The following TMEM176A variants were observed in gnomAD, a reference collection of about 807,000 sequenced individuals.
The protein encoded by TMEM176A is transmembrane protein 176A.
TMEM176A carries 20 observed loss-of-function variants against 27.9 expected under a neutral mutation model. That is an observed-to-expected ratio of 0.72 (90% CI 0.50 to 1.04). The LOEUF (loss-of-function observed/expected upper bound fraction) is 1.04, where lower values mean the gene tolerates loss of function less well. Ranked by LOEUF, TMEM176A falls within the 50% of genes least tolerant of loss-of-function variation. TMEM176A has a pLI of 0.00. For synonymous variants in TMEM176A, 125 were observed against 118.0 expected, an observed-to-expected ratio of 1.06 and a Z score of -0.38; for missense variants, 252 against 289.1, an observed-to-expected ratio of 0.87 and a Z score of 0.93.
chr7:150,804,834 A>T lies in TMEM176A; in HGVS notation c.674A>T (p.Asp225Val). ...CCTTTCCTCTTCCATTAGAAAAGAG[A>T]CCAGAAGGAAATGTTGGAAGTGAGT... ...WRMFPTKGKR[D>V]QKEMLEVSGI is the part of the protein sequence containing the mutation. Residue 225 changes from aspartate (D) to valine (V), a missense_variant, in exon 7 of 7, where the codon GAC becomes GTC. Coordinates refer to ENST00000004103, the MANE Select transcript of TMEM176A (RefSeq NM_018487.3). The T allele has an allele frequency of 1.2e-6, 2 of 1,614,106 alleles. No individual in the cohort carries two copies. Among genetic ancestry groups the T allele is most frequent in the Middle Eastern group, 3.3e-4 (2 of 6,062 alleles).
chr7:150,803,906 G>T (rs741063), intron 5 of TMEM176A, 74 bp downstream of exon 5: 296,222 of 1,413,118 alleles, frequency 0.21, 32,842 homozygotes, highest in Middle Eastern at 0.25. Flanking sequence ...CAAGAGTCAG[G>T]TTCTCCACCA....
chr7:150,801,019 G>C (rs910455664), intron 1 of TMEM176A, 191 bp downstream of exon 1: 8 of 984,718 alleles, frequency 8.1e-6, no homozygotes, highest in South Asian at 4.7e-5. Flanking sequence ...GGTCCTTCAC[G>C]GGGCAGGGGC....
intron 6 of TMEM176A, 110 bp from the exon 7 acceptor site, chr7:150,804,717 C>A (rs1229544404): frequency 2.6e-6 from 3 of 1,174,264 alleles, no homozygotes; most frequent in Non-Finnish European, 3.8e-6. Context: ...GCCTTTGGAT[C>A]AGGTACCATG....
intron 6 of TMEM176A, 109 bp downstream of exon 6, chr7:150,804,581 G>A (rs1798884355): frequency 2.0e-6 from 2 of 1,023,698 alleles, no homozygotes; most frequent in Non-Finnish European, 1.5e-6. Context: ...CATGACCCAA[G>A]TCCCACCTAT....
chr7:150,801,365 C>A, intron 1 of TMEM176A, 171 bp from the exon 2 acceptor site: 1 of 600,202 alleles, frequency 1.7e-6, no homozygotes, highest in South Asian at 2.7e-5. Context: ...GTCAGCACCC[C>A]CTCTGCTACA....
intron 3 of TMEM176A, chr7:150,802,628 A>C (rs538213064): frequency 2.0e-5 from 19 of 943,016 alleles, no homozygotes; most frequent in Non-Finnish European, 2.6e-5. Flanking sequence ...AGATACTTGC[A>C]TTGAGATGGG....
chr7:150,802,516 G>C (rs1301385309), intron 3 of TMEM176A, 191 bp downstream of exon 3: 1 of 692,248 alleles, frequency 1.4e-6, no homozygotes, highest in Non-Finnish European at 2.4e-6. Context: ...CACACTGTCT[G>C]CTCTCCCATA....
chr7:150,802,998 A>G lies in TMEM176A; in HGVS notation c.286-402A>G, dbSNP rs1169267581. 43 of 992,948 alleles carry G rather than the reference A, an allele frequency of 4.3e-5. No homozygotes were observed. The Admixed American group carries it at 2.5e-3, about 59-fold the overall frequency. 61.5% of individuals were successfully genotyped at this position (992,948 alleles called of 1,614,324 possible). On this transcript the variant is annotated intron_variant, in intron 3 of 6. Coordinates refer to ENST00000004103, the MANE Select transcript of TMEM176A (RefSeq NM_018487.3). The stretch of plus-strand genomic sequence containing the variant: ...GCTGAGTGGATTATTGGGCACTGTT[A>G]GGACAGGCTTCTAGACCTAACAGTG...
At chr7:150,804,791 C>G in intron 6 of TMEM176A, 36 bp from the exon 7 acceptor site, 1 of 1,612,640 alleles carries the variant, frequency 6.2e-7, no homozygotes, top group African/African-American at 1.3e-5. Flanking sequence ...CCTTTCTCTC[C>G]CACTCACGAT....
At chr7:150,803,561 G>T in intron 4 of TMEM176A, 59 bp from the exon 5 acceptor site, 2 of 1,594,930 alleles carry the variant, frequency 1.3e-6, no homozygotes, top group South Asian at 2.3e-5. Flanking sequence ...TTTTTCCCCC[G>T]ACTGGACTCT....
Position 150,803,440 on chromosome 7 carries a change from G to T in TMEM176A, c.326G>T (p.Arg109Leu). The T allele has an allele frequency of 6.3e-7, 1 of 1,596,484 alleles. No individual in the cohort carries two copies. ...GCTGCTGCCTTCATTTACGAGAAAC[G>T]GGGTGGTACATACTGGGTAAGTTCA... ...AGAAAFIYEK[R>L]GGTYWALLRT... is the part of the protein sequence containing the mutation. The change falls in exon 4 of 7, where the codon CGG (arginine) becomes CTG (leucine). Residue 109 changes from arginine to leucine, a missense_variant. Physicochemically the swap from Arg to Leu is moderately radical, Grantham distance 102 (BLOSUM62 -2). Transcript: ENST00000004103.
intron 2 of TMEM176A, 67 bp from the exon 3 acceptor site, chr7:150,802,148 T>G (rs1798818419): frequency 7.8e-7 from 1 of 1,277,290 alleles, no homozygotes; most frequent in African/African-American, 1.5e-5. Flanking sequence ...TTTTGGGGTT[T>G]TAGCGGTTAA....
At chr7:150,801,372 T>A (rs769070996) in intron 1 of TMEM176A, 164 bp from the exon 2 acceptor site, 12 of 652,704 alleles carry the variant, frequency 1.8e-5, no homozygotes, top group Non-Finnish European at 3.1e-5. Context: ...CCCCCTCTGC[T>A]ACACACATTC....
intron 2 of TMEM176A, 63 bp from the exon 3 acceptor site, chr7:150,802,152 C>A (rs558533388): frequency 3.0e-6 from 4 of 1,323,426 alleles, no homozygotes; most frequent in Non-Finnish European, 3.3e-6. Flanking sequence ...GGGGTTTTAG[C>A]GGTTAATCCC....
At position 150,804,492 on chromosome 7, in the gene TMEM176A, G is replaced by C; in HGVS notation, c.666+20G>C. 1 of 1,597,710 alleles carries C rather than the reference G, an allele frequency of 6.3e-7. No homozygotes were observed. The highest frequency in any genetic ancestry group is 1.1e-5 in the South Asian group (1 of 90,744). On this transcript the variant is annotated intron_variant, in intron 6 of 6. Coordinates refer to ENST00000004103, the MANE Select transcript of TMEM176A (RefSeq NM_018487.3). The stretch of plus-strand genomic sequence containing the variant: ...AAAGGGGTGAGTCCCTAAGGTGTGT[G>C]CCTGTGTATTTGGGGCAGTGGAACT...
chr7:150,802,131 C>T (rs1798817580), intron 2 of TMEM176A, 84 bp from the exon 3 acceptor site: 1 of 953,056 alleles, frequency 1.0e-6, no homozygotes, highest in Middle Eastern at 2.1e-4. Flanking sequence ...TCTACCTCTC[C>T]CTCTCTTTTT....
At chr7:150,803,038 A>G (rs1264891569) in intron 3 of TMEM176A, 11 of 1,021,248 alleles carry the variant, frequency 1.1e-5, no homozygotes, top group African/African-American at 6.9e-5. Context: ...CTCTGTATAG[A>G]CTCACCCTTC....
At chr7:150,803,370 A>T in intron 3 of TMEM176A, 30 bp from the exon 4 acceptor site, 1 of 1,546,292 alleles carries the variant, frequency 6.5e-7, no homozygotes, top group African/African-American at 1.4e-5. Flanking sequence ...TTCCTGTACT[A>T]AGCCTGCTCC....
chr7:150,800,997 G>A, intron 1 of TMEM176A, 169 bp downstream of exon 1: 3 of 985,684 alleles, frequency 3.0e-6, no homozygotes, highest in Non-Finnish European at 2.4e-6. Context: ...ACCTACCTCC[G>A]CACCGCAGCG....
Sources: allele counts gnomAD v4.1 joint callset, GRCh38; gene constraint gnomAD v4.1.1; transcripts MANE v1.5; gene names NCBI Gene and HGNC (gene_info 2026-07-23, HGNC 2026-07-21).